The following TMEM94 variants were observed in gnomAD, a reference collection of about 807,000 sequenced individuals.
TMEM94 encodes the protein ER Mg2+ ATPase.
Under a neutral mutation model 158.6 loss-of-function variants are expected in TMEM94, and 81 were observed. The ratio of observed to expected loss-of-function variants is 0.51; its 90% confidence interval spans 0.43 to 0.61. TMEM94 has a LOEUF of 0.61. Among genes scored for constraint, TMEM94 ranks in the 20% least tolerant of loss-of-function variants. The probability of loss-of-function intolerance (pLI) is 0.00; values close to 1 mark genes in which losing one functional copy is unlikely to be tolerated. For missense variants in TMEM94, 1,435 were observed against 1,762.0 expected (o/e 0.81, Z 3.32); for synonymous variants, 751 against 730.7 (o/e 1.03, Z -0.45).
chr17:75,492,933 C>G lies in TMEM94; in HGVS notation c.1917C>G (p.Phe639Leu). 6.2e-7 allele frequency: 1 copy of G among 1,611,866 alleles called. No homozygotes were observed. The highest frequency in any genetic ancestry group is 2.2e-5 in the East Asian group (1 of 44,816). The change falls in exon 16 of 32, where the codon TTC becomes TTG. Residue 639 changes from phenylalanine to leucine, a missense_variant. Around this residue, in one of 3 missense-constraint regions of TMEM94, gnomAD observed 1,051 missense variants for 1,254.4 expected, o/e 0.84. Coordinates refer to ENST00000314256, the MANE Select transcript of TMEM94 (RefSeq NM_014738.6). This position sits in a 1 kb window ranked among gnomAD's most constrained non-coding sequence, Gnocchi z 4.4. ...TTCCTGTTCCCCGCCCTGCAGGCTT[C>G]ACTCCTGGGGCCAAGGAGCTTTTCA... is the stretch of plus-strand genomic sequence containing the variant. ...GLCELARLIG[F>L]TPGAKELFKQ...
chr17:75,456,712 G>A lies in TMEM94; in HGVS notation c.-146G>A, dbSNP rs931297224. 3 of 152,446 alleles carry A rather than the reference G, an allele frequency of 2.0e-5. No individual in the cohort carries two copies. Among genetic ancestry groups the A allele is most frequent in the East Asian group, 3.9e-4 (2 of 5,176 alleles). 9.4% of individuals were successfully genotyped at this position (152,446 alleles called of 1,614,324 possible). ...GTGAAGTGAGGAGGGGGTTGGGAGG[G>A]GAGAGGACGCGGGCGAGGAAGACCA... On this transcript the variant is annotated 5_prime_UTR_variant, in exon 1 of 32. Coordinates refer to ENST00000314256, the MANE Select transcript of TMEM94 (RefSeq NM_014738.6).
chr17:75,488,230 C>A, intron 6 of TMEM94, 96 bp downstream of exon 6: 2 of 1,226,114 alleles, frequency 1.6e-6, no homozygotes, highest in East Asian at 2.4e-5. Flanking sequence ...AGCTTCCCGG[C>A]CAGCTTACTG....
chr17:75,496,930 C>A, intron 25 of TMEM94, 123 bp downstream of exon 25: 5 of 1,144,450 alleles, frequency 4.4e-6, no homozygotes, highest in East Asian at 2.4e-5. Flanking sequence ...CCCAGAGCCT[C>A]TGTGAAGCCC....
chr17:75,482,243 G>A (rs560215760), intron 2 of TMEM94, among the ~76,000 whole-genome samples: 4 of 152,210 alleles, frequency 2.6e-5, no homozygotes, highest in African/African-American at 9.6e-5. Context: ...CTGCTCGGGA[G>A]GCTGAGGCAG....
chr17:75,491,549 G>A lies in TMEM94; in HGVS notation c.1386+94G>A. 1 of 1,589,772 alleles carries A rather than the reference G, an allele frequency of 6.3e-7. No individual in the cohort carries two copies. Among genetic ancestry groups the A allele is most frequent in the South Asian group, 1.1e-5 (1 of 89,274 alleles). ...GGCCAGGGAGGGTGAGGTTTCGGAG[G>A]GCGAAGGAGGGTTTGGGCACCATTA... is the stretch of plus-strand genomic sequence containing the variant. On this transcript the variant is annotated intron_variant, in intron 13 of 31. Coordinates refer to ENST00000314256, the MANE Select transcript of TMEM94 (RefSeq NM_014738.6). The surrounding 1 kb of genome is among the most constrained non-coding windows in gnomAD (Gnocchi z 5.1).
At chr17:75,458,482 G>A (rs7406173) in intron 1 of TMEM94, among the ~76,000 whole-genome samples, 96,625 of 151,434 alleles carry the variant, frequency 0.64, 34,310 homozygotes, top group Non-Finnish European at 0.81. Flanking sequence ...TGGGAGGACT[G>A]CTTGAGCCCA....
intron 2 of TMEM94, among the ~76,000 whole-genome samples, chr17:75,476,916 G>A (rs1292954446): frequency 2.6e-5 from 4 of 152,328 alleles, no homozygotes; most frequent in Non-Finnish European, 5.9e-5. Context: ...GGGAATGAGA[G>A]CCAGAAGGCC....
At position 75,493,357 on chromosome 17, in the gene TMEM94, C is replaced by T. The variant is rs528106178; in HGVS notation, c.2087-134C>T. The T allele has an allele frequency of 5.8e-5, 54 of 930,304 alleles. No homozygotes were observed. The South Asian group carries it at 7.5e-4, about 13-fold the overall frequency. 57.6% of individuals were successfully genotyped at this position (930,304 alleles called of 1,614,324 possible). ...CAGTGGCATTGCAGAGCCTTGCTGT[C>T]CGTGAGTCCCAGGGAGTCTCCTCCT... On this transcript the variant is annotated intron_variant, in intron 16 of 31. Coordinates refer to ENST00000314256, the MANE Select transcript of TMEM94 (RefSeq NM_014738.6).
intron 2 of TMEM94, chr17:75,476,423 CCCCT>C: frequency 9.5e-7 from 1 of 1,047,522 alleles, no homozygotes; most frequent in Non-Finnish European, 1.3e-6. Context: ...TTCCTCTTCT[CCCCT>C]CCCTCCCGCC....
At position 75,496,591 on chromosome 17, in the gene TMEM94, C is replaced by T. The variant is rs963795762; in HGVS notation, c.3243+120C>T. The stretch of plus-strand genomic sequence containing the variant: ...CATTCCCCAGCCCTCCGAGCGGGCT[C>T]TCCCAGGCAGTTACATTCGCCTCTG... On this transcript the variant is annotated intron_variant, in intron 24 of 31. Coordinates refer to ENST00000314256, the MANE Select transcript of TMEM94 (RefSeq NM_014738.6). 3.6e-6 allele frequency: 5 copies of T among 1,401,820 alleles called. No homozygotes were observed. The South Asian group carries it at 5.0e-5, about 14-fold the overall frequency. 86.8% of individuals were successfully genotyped at this position (1,401,820 alleles called of 1,614,324 possible). A position where few individuals can be genotyped will look rare whatever the true frequency, so the allele number is the denominator to read the frequency against.
Position 75,485,529 on chromosome 17 carries a change from G to T in TMEM94, c.126G>T (p.Lys42Asn), listed in dbSNP as rs376511309. 1 of 1,614,108 alleles carries T rather than the reference G, an allele frequency of 6.2e-7. No individual in the cohort carries two copies. The highest frequency in any genetic ancestry group is 1.3e-5 in the African/African-American group (1 of 74,944). Residue 42 changes from lysine to asparagine, a missense_variant, in exon 3 of 32, where the codon AAG becomes AAT. By Grantham distance (94) the Lys-to-Asn change is moderately conservative. Transcript: ENST00000314256. This position sits in a 1 kb window ranked among gnomAD's most constrained non-coding sequence, Gnocchi z 5.5. ...TGGAAGGACATCTCAGGGAGCGGAA[G>T]AAGTGTCTGACGTGGAAGGTGAAGC... ...AVLEGHLRER[K>N]KCLTWKEVWR...
Position 75,494,982 on chromosome 17 carries a change from C to T in TMEM94, c.2676C>T (p.Ile892=). The T allele has an allele frequency of 6.2e-7, 1 of 1,613,330 alleles. No individual in the cohort carries two copies. Among genetic ancestry groups the T allele is most frequent in the Non-Finnish European group, 8.5e-7 (1 of 1,179,978 alleles). ...ATGGTGACATGCCTGGCTCCGAGATCCCCCCCTCCAGCCCCAGCCACGCAG... is the reference window on the plus strand; with the variant it reads ...ATGGTGACATGCCTGGCTCCGAGATTCCCCCCTCCAGCCCCAGCCACGCAG... The part of the protein sequence containing the change: ...TPNGDMPGSE[I]PPSSPSHAGS... The change falls in exon 20 of 32, where the codon ATC becomes ATT. Residue 892 remains isoleucine (I), a synonymous_variant. Coordinates refer to ENST00000314256, the MANE Select transcript of TMEM94 (RefSeq NM_014738.6).
In TMEM94 at chr17:75,476,722, C is replaced by T. The variant is rs991892503; in HGVS notation, c.24+4793C>T. On this transcript the variant is annotated intron_variant, in intron 2 of 31. Coordinates refer to ENST00000314256, the MANE Select transcript of TMEM94 (RefSeq NM_014738.6). ...TTAAGCAGGCAGAGCTATGGATGCC[C>T]CATCAGGGCAAAGGCAACAAAGTGA... The T allele has an allele frequency of 5.2e-6, 8 of 1,535,602 alleles. No individual in the cohort carries two copies. The East Asian group carries it at 1.2e-4, about 23-fold the overall frequency.
chr17:75,489,351 G>C lies in TMEM94; in HGVS notation c.850G>C (p.Ala284Pro). The C allele has an allele frequency of 6.2e-7, 1 of 1,614,204 alleles. No individual in the cohort carries two copies. The highest frequency in any genetic ancestry group is 1.7e-4 in the Middle Eastern group (1 of 6,060). ...FTVQSVMLHY[A>P]VPVVLAGFLI... Reference sequence around the variant, plus strand: ...AGTGCAGTCGGTGATGCTACACTATGCTGTGCCCGTGGTCCTGGTGCGTGT... The same window carrying C: ...AGTGCAGTCGGTGATGCTACACTATCCTGTGCCCGTGGTCCTGGTGCGTGT... The change falls in exon 8 of 32, where the codon GCT becomes CCT. Residue 284 changes from alanine to proline, a missense_variant. Around this residue, in one of 3 missense-constraint regions of TMEM94, gnomAD observed 1,051 missense variants for 1,254.4 expected, o/e 0.84. Transcript: ENST00000314256. The surrounding 1 kb of genome is among the most constrained non-coding windows in gnomAD (Gnocchi z 5.0).
rs775879173 is a variant in TMEM94, at chr17:75,491,435, C to T, written c.1366C>T (p.Arg456Cys). The T allele has an allele frequency of 3.5e-5, 56 of 1,614,026 alleles. No individual in the cohort carries two copies. Among genetic ancestry groups the T allele is most frequent in the African/African-American group, 9.3e-5 (7 of 74,948 alleles). ...GGACCTCACCGATGGCCTATCCACC[C>T]GCTCCTTCTGCCATCCCGAGGTAGA... is the stretch of plus-strand genomic sequence containing the variant. ...HEDLTDGLST[R>C]SFCHPEPHER... is the part of the protein sequence containing the mutation. Residue 456 changes from arginine (R) to cysteine (C), a missense_variant, in exon 13 of 32, where the codon CGC becomes TGC. Transcript: ENST00000314256. The surrounding 1 kb of genome is among the most constrained non-coding windows in gnomAD (Gnocchi z 5.1).
chr17:75,467,177 G>A (rs914748197), intron 1 of TMEM94, among the ~76,000 whole-genome samples: 1 of 151,756 alleles, frequency 6.6e-6, no homozygotes, highest in South Asian at 2.1e-4. Context: ...GTTTCACCAT[G>A]TTGTCCAGGT....
intron 10 of TMEM94, 144 bp downstream of exon 10, chr17:75,490,494 C>A: frequency 9.9e-7 from 1 of 1,010,332 alleles, no homozygotes; most frequent in Non-Finnish European, 1.4e-6. Context: ...CTCGGGCCCT[C>A]TCCATTCCAG....
intron 2 of TMEM94, among the ~76,000 whole-genome samples, chr17:75,480,501 G>A (rs2051075441): frequency 6.6e-6 from 1 of 152,248 alleles, no homozygotes; most frequent in East Asian, 1.9e-4. Context: ...TCCTGGGGTA[G>A]AGACAGCAAG....
intron 2 of TMEM94, among the ~76,000 whole-genome samples, chr17:75,481,959 C>T (rs2051196636): frequency 1.3e-5 from 2 of 152,174 alleles, no homozygotes; most frequent in Admixed American, 1.3e-4. Context: ...CCTATAATCA[C>T]AGCACTTTAG....
Sources: gnomAD v4.1 joint callset for allele counts (sites outside exome capture counted in the v4.1 genomes callset) on GRCh38, gnomAD v4.1.1 for gene constraint, gnomAD v4.1.1 regional missense constraint, Gnocchi (gnomAD v3.1) non-coding constraint, MANE v1.5 for transcripts, NCBI Gene and HGNC (gene_info 2026-07-23, HGNC 2026-07-21) for gene names.